Variants in STK10 observed in about 807,000 individuals in gnomAD.
STK10 encodes the protein serine/threonine kinase 10.
A neutral mutation model predicts 113.8 loss-of-function variants in STK10; 78 were observed. The ratio of observed to expected loss-of-function variants is 0.69; its 90% CI spans 0.57 to 0.83. The LOEUF is 0.83. Among genes scored for constraint, STK10 ranks in the 40% least tolerant of loss-of-function variants. STK10 has a pLI of 0.00. For missense variants in STK10, 1,109 were observed against 1,280.1 expected (o/e 0.87, Z 2.04); for synonymous variants, 465 against 494.7 (o/e 0.94, Z 0.80).
intron 1 of STK10, among the ~76,000 whole-genome samples, chr5:172,172,908 A>G (rs1403925993): frequency 6.6e-6 from 1 of 152,092 alleles, no homozygotes; most frequent in African/African-American, 2.4e-5. Context: ...TGAACCCAGG[A>G]AGCGGAGGTT....
intron 12 of STK10, among the ~76,000 whole-genome samples, chr5:172,068,195 G>T (rs1249658371): frequency 1.3e-5 from 2 of 152,054 alleles, no homozygotes; most frequent in African/African-American, 4.8e-5. Flanking sequence ...AAAAAAATTA[G>T]CTGGGTATGG....
intron 10 of STK10, among the ~76,000 whole-genome samples, chr5:172,089,998 T>C (rs1206921912): frequency 6.6e-6 from 1 of 151,802 alleles, no homozygotes; most frequent in South Asian, 2.1e-4. Context: ...AATAGGTAGA[T>C]AGGTGAGTAG....
rs1770478381 is a variant in STK10, at chr5:172,161,944, A to T, written c.157-5156T>A. The stretch of plus-strand genomic sequence containing the variant: ...GCCCAGGAGCCCAGTTCAGGGAAGG[A>T]CATTTCATGATGGGCCATTTTCCAG... On this transcript the variant is annotated intron_variant, in intron 1 of 18. Transcript: ENST00000176763. Among the ~76,000 whole-genome samples, 3 of 152,232 alleles carry T rather than the reference A, an allele frequency of 2.0e-5. No homozygotes were observed. The South Asian group carries it at 6.2e-4, about 31-fold the overall frequency.
At chr5:172,086,312 C>A (rs1249082662) in intron 10 of STK10, among the ~76,000 whole-genome samples, 1 of 152,096 alleles carries the variant, frequency 6.6e-6, no homozygotes, top group Non-Finnish European at 1.5e-5. Flanking sequence ...TGAGCCTCTG[C>A]TTTTCTGGAA....
intron 10 of STK10, among the ~76,000 whole-genome samples, chr5:172,084,402 A>AAAT (rs60087344): frequency 0.14 from 20,744 of 149,096 alleles, 1,522 homozygotes; most frequent in Non-Finnish European, 0.16. Context: ...TTCTGTCTCA[A>AAAT]AATAATAATA....
rs545846272 is a variant in STK10 at position 172,150,468 on chromosome 5, C to T, written c.321+6156G>A. ...TGCACTCCAGCCTGGGCAACAAGAG[C>T]GAAACAACACCTCAAAAAAAAAAAA... On this transcript the variant is annotated intron_variant, in intron 2 of 18. Transcript: ENST00000176763. 3.4e-5 allele frequency among the ~76,000 whole-genome samples: 5 copies of T among 145,022 alleles called. No individual in the cohort carries two copies. In the South Asian group the frequency reaches 6.5e-4, roughly 19 times the overall value.
intron 10 of STK10, among the ~76,000 whole-genome samples, chr5:172,084,104 T>C (rs1768497287): frequency 6.6e-6 from 1 of 151,580 alleles, no homozygotes; most frequent in Non-Finnish European, 1.5e-5. Context: ...AGGAAACATA[T>C]TAAAAATAAT....
chr5:172,081,964 C>T (rs374921419), intron 12 of STK10, among the ~76,000 whole-genome samples: 1 of 152,174 alleles, frequency 6.6e-6, no homozygotes. Flanking sequence ...TGCCTACCCA[C>T]CCAGCACCCA....
intron 12 of STK10, 120 bp from the exon 13 acceptor site, chr5:172,064,932 G>C: frequency 1.9e-6 from 2 of 1,077,542 alleles, no homozygotes; most frequent in Non-Finnish European, 2.7e-6. Flanking sequence ...GCTTTGCAGC[G>C]GCCAGCACCC....
chr5:172,056,534 G>C (rs913292815), intron 15 of STK10, among the ~76,000 whole-genome samples: 6 of 151,984 alleles, frequency 3.9e-5, no homozygotes, highest in Non-Finnish European at 7.4e-5. Context: ...AAATGGAAAG[G>C]GAGGACAAAA....
At chr5:172,076,140 G>A (rs1407810817) in intron 12 of STK10, among the ~76,000 whole-genome samples, 1 of 150,960 alleles carries the variant, frequency 6.6e-6, no homozygotes, top group Non-Finnish European at 1.5e-5. Context: ...TTTGTTGTGG[G>A]GGCTGTCCTG....
intron 2 of STK10, among the ~76,000 whole-genome samples, chr5:172,131,032 G>GTTTTTTTT (rs773484183): frequency 9.1e-6 from 1 of 109,520 alleles, no homozygotes. Flanking sequence ...GCCATCAGCT[G>GTTTTTTTT]TTTTTTTTTT....
chr5:172,106,906 G>A, intron 5 of STK10, 92 bp from the exon 6 acceptor site: 3 of 1,346,854 alleles, frequency 2.2e-6, no homozygotes, highest in Non-Finnish European at 3.0e-6. Flanking sequence ...ACGAGCCACT[G>A]TCGGGGTTGG....
At chr5:172,165,529 C>G (rs914246988) in intron 1 of STK10, among the ~76,000 whole-genome samples, 5 of 152,198 alleles carry the variant, frequency 3.3e-5, no homozygotes, top group Non-Finnish European at 7.3e-5. Context: ...ACTTGGCCAG[C>G]ATCCATTCCC....
Position 172,082,250 on chromosome 5 carries a change from G to C in STK10, c.1989+76C>G. 1 of 1,423,292 alleles carries C rather than the reference G, an allele frequency of 7.0e-7. No individual in the cohort carries two copies. Among genetic ancestry groups the C allele is most frequent in the Non-Finnish European group, 9.2e-7 (1 of 1,083,326 alleles). 88.2% of individuals were successfully genotyped at this position (1,423,292 alleles called of 1,614,324 possible). A position where few individuals can be genotyped will look rare whatever the true frequency, so the allele number is the denominator to read the frequency against. Reference sequence around the variant, plus strand: ...ACCCCTCTGCTGCCAAGGTGAGGTTGAGGCCACGATCACTTGCAACCAAGA... The same window carrying C: ...ACCCCTCTGCTGCCAAGGTGAGGTTCAGGCCACGATCACTTGCAACCAAGA... On this transcript the variant is annotated intron_variant, in intron 12 of 18. Transcript: ENST00000176763. This position sits in a 1 kb window ranked among gnomAD's most constrained non-coding sequence, Gnocchi z 4.3.
chr5:172,169,190 C>T (rs549895378), intron 1 of STK10, among the ~76,000 whole-genome samples: 5 of 152,314 alleles, frequency 3.3e-5, no homozygotes, highest in African/African-American at 9.6e-5. Context: ...TCTCTTTGCA[C>T]CTTGTTAAGG....
At position 172,045,037 on chromosome 5, in the gene STK10, G is replaced by A. The variant is rs1245980743; in HGVS notation, c.2767-15C>T. On this transcript the variant is annotated splice_polypyrimidine_tract_variant and intron_variant, in intron 18 of 18. Transcript: ENST00000176763. ...TCTTCCAGAGCCTAGGGAAGAGAGAGGATGGATGGCACTTGGTGAGATCTG... is the reference window on the plus strand; with the variant it reads ...TCTTCCAGAGCCTAGGGAAGAGAGAAGATGGATGGCACTTGGTGAGATCTG... The A allele has an allele frequency of 5.0e-6, 8 of 1,613,594 alleles. No homozygotes were observed. Among genetic ancestry groups the A allele is most frequent in the Non-Finnish European group, 6.8e-6 (8 of 1,179,772 alleles).
Position 172,095,634 on chromosome 5 carries a change from C to A in STK10, c.1005+792G>T, listed in dbSNP as rs1020239663. Among the ~76,000 whole-genome samples, 3 of 152,260 alleles carry A rather than the reference C, an allele frequency of 2.0e-5. 1 individual carries two copies. The highest frequency in any genetic ancestry group is 7.2e-5 in the African/African-American group (3 of 41,466). On this transcript the variant is annotated intron_variant, in intron 8 of 18. Transcript: ENST00000176763. ...CGCTTGCCCTGCCCTTCGGGCTTTC[C>A]TTCTTCACCCTGGTGAGGGTCTGCG... is the stretch of plus-strand genomic sequence containing the variant.
intron 12 of STK10, among the ~76,000 whole-genome samples, chr5:172,079,468 G>C (rs886606995): frequency 6.6e-6 from 1 of 151,952 alleles, no homozygotes; most frequent in African/African-American, 2.4e-5. Flanking sequence ...TGTTTTATTT[G>C]TTCAATATTG....
Sources: allele counts gnomAD v4.1 joint callset (sites outside exome capture counted in the v4.1 genomes callset), GRCh38; gene constraint gnomAD v4.1.1; non-coding constraint Gnocchi (gnomAD v3.1); transcripts MANE v1.5; gene names NCBI Gene and HGNC (gene_info 2026-07-23, HGNC 2026-07-21).